The following PCBP3 variants were observed in gnomAD, a reference collection of about 807,000 sequenced individuals.
PCBP3 encodes the protein poly(rC)-binding protein 3.
In PCBP3, 25 loss-of-function variants were observed where a neutral mutation model predicts 52.7. The observed-to-expected ratio is 0.47, with a 90% confidence interval of 0.35 to 0.66. PCBP3 has a LOEUF of 0.66. Ranked by LOEUF, PCBP3 falls within the 30% of genes least tolerant of loss-of-function variation. PCBP3 has a pLI of 0.01. For missense variants in PCBP3, 391 were observed against 490.3 expected, an observed-to-expected ratio of 0.80 and a Z score of 1.91; for synonymous variants, 162 against 183.0, an observed-to-expected ratio of 0.89 and a Z score of 0.93.
intron 4 of PCBP3, among the ~76,000 whole-genome samples, chr21:45,849,057 GA>G (rs934506610): frequency 1.3e-5 from 2 of 152,090 alleles, no homozygotes; most frequent in Admixed American, 1.3e-4. Flanking sequence ...GTTCTTTTTA[GA>G]AAAAAACTGA....
At chr21:45,914,185 C>G (rs534610337) in intron 12 of PCBP3, 160 bp downstream of exon 12, 3 of 1,256,704 alleles carry the variant, frequency 2.4e-6, no homozygotes, top group Non-Finnish European at 2.2e-6. Context: ...CAGCACCAGG[C>G]GGACGCAGGG....
At chr21:45,655,342 T>C (rs1279566224) in intron 1 of PCBP3, among the ~76,000 whole-genome samples, 1 of 152,024 alleles carries the variant, frequency 6.6e-6, no homozygotes, top group Non-Finnish European at 1.5e-5. Flanking sequence ...TTCCAAACAA[T>C]TTGGAATGTA....
intron 4 of PCBP3, among the ~76,000 whole-genome samples, chr21:45,835,039 C>T (rs2093550512): frequency 6.6e-6 from 1 of 152,248 alleles, no homozygotes; most frequent in African/African-American, 2.4e-5. Flanking sequence ...GCGAACGCCG[C>T]AGCAGCCTCT....
intron 4 of PCBP3, among the ~76,000 whole-genome samples, chr21:45,825,462 G>A (rs80226238): frequency 7.2e-5 from 11 of 152,198 alleles, no homozygotes; most frequent in East Asian, 1.9e-4. Context: ...CCTGCCTGCC[G>A]CCCAGCACCC....
chr21:45,852,249 T>TA (rs1481311695), intron 5 of PCBP3, among the ~76,000 whole-genome samples: 6 of 152,180 alleles, frequency 3.9e-5, no homozygotes, highest in Non-Finnish European at 7.3e-5. Flanking sequence ...AAATAAAGCT[T>TA]AAAAAAAGCT....
Position 45,917,645 on chromosome 21 carries a change from G to C in PCBP3, c.717+16G>C, listed in dbSNP as rs1390361758. ...TCACCCGGATGTGAGTCTTCACTTT[G>C]TCTTCCTCTCACCTTTCTCTTCTCA... On this transcript the variant is annotated intron_variant, in intron 13 of 17. Coordinates refer to ENST00000681687, the MANE Select transcript of PCBP3 (RefSeq NM_001384156.1). The surrounding 1 kb of genome is among the most constrained non-coding windows in gnomAD (Gnocchi z 5.3). 1 of 1,604,414 alleles carries C rather than the reference G, an allele frequency of 6.2e-7. No homozygotes were observed. The highest frequency in any genetic ancestry group is 2.2e-5 in the East Asian group (1 of 44,850).
chr21:45,916,017 T>G (rs1261773338), intron 12 of PCBP3: 7 of 152,296 alleles, frequency 4.6e-5, no homozygotes, highest in Non-Finnish European at 1.0e-4. Context: ...CTGTGAGTGC[T>G]CTGGGGGCAC....
At chr21:45,824,316 G>A (rs2093245956) in intron 4 of PCBP3, among the ~76,000 whole-genome samples, 1 of 152,140 alleles carries the variant, frequency 6.6e-6, no homozygotes, top group Non-Finnish European at 1.5e-5. Flanking sequence ...GTTTTGCTGT[G>A]TTTTAGATCT....
chr21:45,828,505 G>C (rs1419473801), intron 4 of PCBP3: 3 of 152,224 alleles, frequency 2.0e-5, no homozygotes, highest in Admixed American at 2.0e-4. Context: ...AGCTGAAATG[G>C]GAAATGCTGG....
At chr21:45,786,150 A>AAATC (rs1569221391) in intron 4 of PCBP3, among the ~76,000 whole-genome samples, 18 of 151,144 alleles carry the variant, frequency 1.2e-4, no homozygotes, top group African/African-American at 3.4e-4. Context: ...ATAAATAAAT[A>AAATC]AATAAATCAT....
intron 5 of PCBP3, among the ~76,000 whole-genome samples, chr21:45,863,314 C>T (rs2094577680): frequency 6.6e-6 from 1 of 152,218 alleles, no homozygotes; most frequent in Non-Finnish European, 1.5e-5. Context: ...CCACCCATGG[C>T]AGACTGGCGG....
intron 3 of PCBP3, among the ~76,000 whole-genome samples, chr21:45,751,896 C>G (rs1029069288): frequency 6.6e-6 from 1 of 152,056 alleles, no homozygotes; most frequent in African/African-American, 2.4e-5. Flanking sequence ...AAGTAGAGCA[C>G]CTTTTCATAT....
intron 4 of PCBP3, among the ~76,000 whole-genome samples, chr21:45,780,721 G>C (rs1195900489): frequency 6.6e-6 from 1 of 152,170 alleles, no homozygotes; most frequent in Non-Finnish European, 1.5e-5. Context: ...AGAGAGAAGA[G>C]GACAGCCATG....
chr21:45,894,672 C>G (rs2095778228), intron 5 of PCBP3, among the ~76,000 whole-genome samples: 1 of 152,228 alleles, frequency 6.6e-6, no homozygotes, highest in African/African-American at 2.4e-5. Flanking sequence ...TGCTTTTCCC[C>G]CAGTAGCTGC....
chr21:45,923,180 A>G (rs2074704206), intron 13 of PCBP3, among the ~76,000 whole-genome samples: 1 of 152,106 alleles, frequency 6.6e-6, no homozygotes, highest in Non-Finnish European at 1.5e-5. Flanking sequence ...TTCTCCTCCC[A>G]CTTGTTCTGT....
intron 9 of PCBP3, among the ~76,000 whole-genome samples, chr21:45,908,851 T>C (rs1569482917): frequency 6.6e-6 from 1 of 152,080 alleles, no homozygotes; most frequent in Non-Finnish European, 1.5e-5. Context: ...CTCAGCCTTC[T>C]CCCGCTTCTA....
chr21:45,659,729 G>A (rs1053579282), intron 1 of PCBP3, among the ~76,000 whole-genome samples: 1 of 152,034 alleles, frequency 6.6e-6, no homozygotes, highest in Non-Finnish European at 1.5e-5. Context: ...GCAGTGTATT[G>A]TTAAATTTCC....
At chr21:45,937,512 G>T (rs1205845068) in intron 16 of PCBP3, among the ~76,000 whole-genome samples, 2 of 152,234 alleles carry the variant, frequency 1.3e-5, no homozygotes, top group African/African-American at 2.4e-5. Context: ...TCCGACAGTG[G>T]TCTCTAGGAG....
chr21:45,911,352 CT>C, intron 11 of PCBP3: 1 of 325,136 alleles, frequency 3.1e-6, no homozygotes, highest in South Asian at 2.6e-5. Flanking sequence ...TGAGTTGGAG[CT>C]GCAGAAACAG....
Sources: gnomAD v4.1 joint callset for allele counts (sites outside exome capture counted in the v4.1 genomes callset) on GRCh38, gnomAD v4.1.1 for gene constraint, Gnocchi (gnomAD v3.1) non-coding constraint, MANE v1.5 for transcripts, NCBI Gene and HGNC (gene_info 2026-07-23, HGNC 2026-07-21) for gene names.